The following ERBIN variants were observed in gnomAD, a reference collection of about 807,000 sequenced individuals.
ERBIN encodes the protein densin-180-like protein.
ERBIN carries 60 observed loss-of-function variants against 158.4 expected under a neutral mutation model. That is an observed-to-expected ratio of 0.38 (90% confidence interval 0.31 to 0.47). The LOEUF (loss-of-function observed/expected upper bound fraction) is 0.47, where lower values mean the gene tolerates loss of function less well. Ranked by LOEUF, ERBIN falls within the 20% of genes least tolerant of loss-of-function variation. The pLI, the probability that ERBIN is intolerant of heterozygous loss-of-function variation, is 0.99. For synonymous variants in ERBIN, 594 were observed against 557.2 expected, an observed-to-expected ratio of 1.07 and a Z score of -0.93; for missense variants, 1,610 against 1,648.0, an observed-to-expected ratio of 0.98 and a Z score of 0.40.
intron 7 of ERBIN, among the ~76,000 whole-genome samples, chr5:66,018,487 T>TTATAATATATAATA (rs1561380406): frequency 0.063 from 418 of 6,588 alleles, 128 homozygotes; most frequent in South Asian, 0.084. Flanking sequence ...ATATTATATA[T>TTATAATATATAATA]TATATTATAT....
At position 66,018,532 on chromosome 5, in the gene ERBIN, T is replaced by A. The variant is rs180744244; in HGVS notation, c.534-2790T>A. On this transcript the variant is annotated intron_variant, in intron 7 of 25. Coordinates refer to ENST00000284037, the MANE Select transcript of ERBIN (RefSeq NM_001253697.2). Reference sequence around the variant, plus strand: ...TATATATTATATAATATATATTATATTATATAATATATATTATATATTATA... The same window carrying A: ...TATATATTATATAATATATATTATAATATATAATATATATTATATATTATA... 1.8e-3 allele frequency among the ~76,000 whole-genome samples: 9 copies of A among 4,886 alleles called. 2 individuals carry two copies. The highest frequency in any genetic ancestry group is 0.01 in the South Asian group (2 of 194). The allele number at this position is 4,886 out of a possible 152,430, so 3.2% of individuals were successfully genotyped here.
At chr5:66,034,101 G>A (rs1757154388) in intron 14 of ERBIN, among the ~76,000 whole-genome samples, 1 of 132,740 alleles carries the variant, frequency 7.5e-6, no homozygotes, top group South Asian at 2.7e-4. Context: ...GGGTGACAGA[G>A]CGAGACTTTG....
chr5:66,028,829 C>T (rs546023013), intron 14 of ERBIN, among the ~76,000 whole-genome samples: 6 of 152,130 alleles, frequency 3.9e-5, no homozygotes, highest in African/African-American at 1.4e-4. Context: ...CAGAATCCAC[C>T]ATTTTACTCT....
intron 1 of ERBIN, among the ~76,000 whole-genome samples, chr5:65,974,834 A>G (rs753505927): frequency 3.3e-5 from 5 of 152,334 alleles, no homozygotes; most frequent in Middle Eastern, 6.8e-3. Context: ...AGAGGTTGGC[A>G]TAAAGAGGAG....
At chr5:65,989,120 C>G (rs1010258359) in intron 2 of ERBIN, among the ~76,000 whole-genome samples, 1 of 151,596 alleles carries the variant, frequency 6.6e-6, no homozygotes, top group Admixed American at 6.6e-5. Flanking sequence ...TTATCACATA[C>G]CTGAAATTCT....
chr5:65,944,760 T>C (rs1745533038), intron 1 of ERBIN, among the ~76,000 whole-genome samples: 1 of 152,218 alleles, frequency 6.6e-6, no homozygotes, highest in South Asian at 2.1e-4. Flanking sequence ...TCTTTATATG[T>C]ACTTTTTGGC....
At chr5:66,013,711 G>A (rs1332299330) in intron 6 of ERBIN, 73 bp downstream of exon 6, 2 of 926,366 alleles carry the variant, frequency 2.2e-6, no homozygotes, top group East Asian at 4.8e-5. Context: ...AGCTGCTTTG[G>A]TAGTACTACT....
Position 66,080,892 on chromosome 5 carries a change from C to T in ERBIN, c.*2362C>T, listed in dbSNP as rs1249577027. On this transcript the variant is annotated 3_prime_UTR_variant, in exon 26 of 26. Coordinates refer to ENST00000284037, the MANE Select transcript of ERBIN (RefSeq NM_001253697.2). ...CATAAAGTTGCGTAAGAAACTTTAC[C>T]AAGAGGAGTATTATAGCCAAGTTTT... 6.6e-6 allele frequency: 1 copy of T among 151,760 alleles called. No homozygotes were observed. Among genetic ancestry groups the T allele is most frequent in the East Asian group, 1.9e-4 (1 of 5,192 alleles). 9.4% of individuals were successfully genotyped at this position (151,760 alleles called of 1,614,324 possible). A position where few individuals can be genotyped will look rare whatever the true frequency, so the allele number is the denominator to read the frequency against.
Position 65,959,939 on chromosome 5 carries a change from G to A in ERBIN, c.-57-28696G>A, listed in dbSNP as rs975108146. ...GAGTTAACTGGAACCTTCAAAAAGT[G>A]TTGATACCTGTTTCTTTTAAAATTA... On this transcript the variant is annotated intron_variant, in intron 1 of 25. Transcript: ENST00000284037. 2.0e-5 allele frequency among the ~76,000 whole-genome samples: 3 copies of A among 152,196 alleles called. No homozygotes were observed. The East Asian group carries it at 5.8e-4, about 29-fold the overall frequency.
Position 66,053,662 on chromosome 5 carries a change from G to C in ERBIN, c.2344G>C (p.Glu782Gln), listed in dbSNP as rs139208134. The change falls in exon 21 of 26, where the codon GAA (glutamate) becomes CAA (glutamine). Residue 782 changes from glutamate (E) to glutamine (Q), a missense_variant. Glu to Gln is a conservative substitution (Grantham distance 29). This residue lies in a region of ERBIN where 1,014 missense variants were observed against 936.1 expected (regional missense o/e 1.08). Coordinates refer to ENST00000284037, the MANE Select transcript of ERBIN (RefSeq NM_001253697.2). The part of the protein sequence containing the change: ...TNDTFQPEIM[E>Q]RSKTQDIVLG... ...TGATACATTTCAACCAGAGATCATGGAAAGATCAAAAACACAGGATATTGT... is the reference window on the plus strand; with the variant it reads ...TGATACATTTCAACCAGAGATCATGCAAAGATCAAAAACACAGGATATTGT... The C allele has an allele frequency of 6.2e-6, 10 of 1,613,650 alleles. No individual in the cohort carries two copies. Among genetic ancestry groups the C allele is most frequent in the Non-Finnish European group, 8.5e-6 (10 of 1,179,920 alleles).
chr5:66,007,646 G>A (rs1561365240), intron 4 of ERBIN, among the ~76,000 whole-genome samples: 1 of 152,076 alleles, frequency 6.6e-6, no homozygotes, highest in Admixed American at 6.5e-5. Context: ...CTACTAATGG[G>A]GGAGAAGCTA....
intron 1 of ERBIN, among the ~76,000 whole-genome samples, chr5:65,945,081 AGTT>A (rs1311507287): frequency 1.3e-5 from 2 of 152,232 alleles, no homozygotes; most frequent in Admixed American, 1.3e-4. Flanking sequence ...TAGCTTAGGA[AGTT>A]GTGAGTTATC....
chr5:65,979,328 T>C (rs950510266), intron 1 of ERBIN, among the ~76,000 whole-genome samples: 2 of 152,090 alleles, frequency 1.3e-5, no homozygotes, highest in African/African-American at 4.8e-5. Context: ...TTTGGGAGAC[T>C]GAGGTTGGGG....
intron 2 of ERBIN, among the ~76,000 whole-genome samples, chr5:65,990,310 A>G (rs34540954): frequency 0.011 from 1,635 of 152,332 alleles, 12 homozygotes; most frequent in Non-Finnish European, 0.014. Context: ...AGTTGTAGTG[A>G]CGATGGAATG....
chr5:65,982,339 C>G (rs1750749297), intron 1 of ERBIN, among the ~76,000 whole-genome samples: 2 of 150,580 alleles, frequency 1.3e-5, no homozygotes, highest in Admixed American at 6.6e-5. Flanking sequence ...AAGGTGGACT[C>G]TCTGAATCTT....
intron 18 of ERBIN, among the ~76,000 whole-genome samples, chr5:66,048,452 A>G (rs1667805217): frequency 6.6e-6 from 1 of 151,978 alleles, no homozygotes; most frequent in African/African-American, 2.4e-5. Flanking sequence ...CAGTATCCTA[A>G]TGTTTGATTA....
chr5:65,965,789 GT>G (rs1748549746), intron 1 of ERBIN, among the ~76,000 whole-genome samples: 3 of 152,026 alleles, frequency 2.0e-5, no homozygotes, highest in Non-Finnish European at 4.4e-5. Context: ...TGTGTTTTTA[GT>G]TCATGGCACA....
chr5:66,077,777 C>CACACACACACACACACAT (rs1274041618), intron 25 of ERBIN, among the ~76,000 whole-genome samples: 1 of 128,998 alleles, frequency 7.8e-6, no homozygotes, highest in Non-Finnish European at 1.7e-5. Flanking sequence ...CACACACACA[C>CACACACACACACACACAT]ACACACACAC....
intron 15 of ERBIN, among the ~76,000 whole-genome samples, chr5:66,040,243 G>A (rs1365883887): frequency 6.6e-6 from 1 of 151,700 alleles, no homozygotes; most frequent in African/African-American, 2.4e-5. Flanking sequence ...TACTCATCCC[G>A]CCTCTAAACT....
Sources: gnomAD v4.1 joint callset for allele counts (sites outside exome capture counted in the v4.1 genomes callset) on GRCh38, gnomAD v4.1.1 for gene constraint, gnomAD v4.1.1 regional missense constraint, MANE v1.5 for transcripts, NCBI Gene and HGNC (gene_info 2026-07-23, HGNC 2026-07-21) for gene names.